TMEM108: variants seen among roughly 807,000 people sequenced by gnomAD.
The protein encoded by TMEM108 is cancer/testis antigen 124.
Under a neutral mutation model 35.1 loss-of-function variants are expected in TMEM108, and 12 were observed. That is an observed-to-expected ratio of 0.34 (90% CI 0.22 to 0.55). TMEM108 has a LOEUF of 0.55. Among genes scored for constraint, TMEM108 ranks in the 20% least tolerant of loss-of-function variants. The probability of loss-of-function intolerance (pLI) is 0.89; values close to 1 mark genes in which losing one functional copy is unlikely to be tolerated. For synonymous variants in TMEM108, 287 were observed against 308.6 expected, an observed-to-expected ratio of 0.93 and a Z score of 0.73; for missense variants, 680 against 753.3, an observed-to-expected ratio of 0.90 and a Z score of 1.14.
chr3:133,153,007 G>T (rs1327302461), intron 2 of TMEM108, among the ~76,000 whole-genome samples: 1 of 152,144 alleles, frequency 6.6e-6, no homozygotes, highest in South Asian at 2.1e-4. Flanking sequence ...TAACAGTCAT[G>T]AGGGTTGGTT....
At chr3:133,231,549 G>C (rs1160995279) in intron 3 of TMEM108, among the ~76,000 whole-genome samples, 1 of 152,094 alleles carries the variant, frequency 6.6e-6, no homozygotes, top group Admixed American at 6.5e-5. Flanking sequence ...TATGAGGCTT[G>C]GGCAAGGCTT....
At chr3:133,239,898 T>C (rs1415306394) in intron 3 of TMEM108, among the ~76,000 whole-genome samples, 3 of 152,092 alleles carry the variant, frequency 2.0e-5, no homozygotes, top group African/African-American at 7.2e-5. Context: ...CTCTCAAGTG[T>C]TGTGGGATTA....
At chr3:133,359,973 G>A (rs931175387) in intron 3 of TMEM108, among the ~76,000 whole-genome samples, 7 of 140,662 alleles carry the variant, frequency 5.0e-5, no homozygotes, top group Non-Finnish European at 1.5e-5. Flanking sequence ...ATACGAATTG[G>A]TCATATCCCT....
chr3:133,320,521 T>G (rs1314770025), intron 3 of TMEM108, among the ~76,000 whole-genome samples: 2 of 152,202 alleles, frequency 1.3e-5, no homozygotes. Flanking sequence ...TTTTGGATTA[T>G]GTTACATACA....
At chr3:133,224,678 A>G (rs1359145273) in intron 2 of TMEM108, among the ~76,000 whole-genome samples, 1 of 152,122 alleles carries the variant, frequency 6.6e-6, no homozygotes, top group African/African-American at 2.4e-5. Context: ...TTCCACCATG[A>G]TTGTGAGTCC....
At chr3:133,040,645 G>C (rs541448556) in intron 1 of TMEM108, among the ~76,000 whole-genome samples, 6 of 152,196 alleles carry the variant, frequency 3.9e-5, no homozygotes, top group Non-Finnish European at 7.3e-5. Context: ...TGCATTGTTT[G>C]TTTGGCCTGC....
intron 2 of TMEM108, among the ~76,000 whole-genome samples, chr3:133,218,448 G>T (rs115552707): frequency 0.038 from 5,783 of 151,996 alleles, 339 homozygotes; most frequent in African/African-American, 0.12. Flanking sequence ...TTGAATAGAA[G>T]TGACAGTAAT....
At chr3:133,244,916 T>A (rs2107663346) in intron 3 of TMEM108, among the ~76,000 whole-genome samples, 1 of 152,314 alleles carries the variant, frequency 6.6e-6, no homozygotes, top group African/African-American at 2.4e-5. Flanking sequence ...TACCCTTTGA[T>A]GTTATATGAG....
intron 3 of TMEM108, among the ~76,000 whole-genome samples, chr3:133,265,015 C>G (rs111325572): frequency 0.026 from 3,981 of 152,282 alleles, 152 homozygotes; most frequent in African/African-American, 0.083. Flanking sequence ...ATGACTCTTG[C>G]TGGGCACCAG....
intron 2 of TMEM108, among the ~76,000 whole-genome samples, chr3:133,154,783 G>A (rs1407422751): frequency 6.6e-6 from 1 of 152,068 alleles, no homozygotes; most frequent in Non-Finnish European, 1.5e-5. Flanking sequence ...AATGGGTGTA[G>A]CACACCAACA....
chr3:133,113,846 A>G (rs1424256550), intron 2 of TMEM108, among the ~76,000 whole-genome samples: 1 of 152,166 alleles, frequency 6.6e-6, no homozygotes, highest in Non-Finnish European at 1.5e-5. Flanking sequence ...GGCAGTTCCC[A>G]GGGTCTTGTT....
chr3:133,367,161 G>A (rs1416103246), intron 3 of TMEM108, among the ~76,000 whole-genome samples: 1 of 152,144 alleles, frequency 6.6e-6, no homozygotes, highest in Non-Finnish European at 1.5e-5. Context: ...TCTCCAGATC[G>A]GCCACTTCCA....
Position 133,126,141 on chromosome 3 carries a change from A to G in TMEM108, c.-47+80121A>G, listed in dbSNP as rs144457948. ...TAGTGTGATTTTGACAAAGAAGCCC[A>G]AGTATATACTACTATAATCTTTTTT... On this transcript the variant is annotated intron_variant, in intron 2 of 5. Coordinates refer to ENST00000321871, the MANE Select transcript of TMEM108 (RefSeq NM_023943.4). Among the ~76,000 whole-genome samples the G allele has an allele frequency of 2.2e-4, 34 of 152,302 alleles. No homozygotes were observed. The East Asian group carries it at 5.8e-3, about 26-fold the overall frequency.
intron 2 of TMEM108, among the ~76,000 whole-genome samples, chr3:133,061,495 G>T (rs1317518980): frequency 6.6e-6 from 1 of 152,090 alleles, no homozygotes; most frequent in Non-Finnish European, 1.5e-5. Context: ...TTACAGGCAT[G>T]AGCCATCGTG....
chr3:133,078,159 GCACGCGCGCGCGCGCAC>G (rs1943765598), intron 2 of TMEM108, among the ~76,000 whole-genome samples: 1 of 140,816 alleles, frequency 7.1e-6, no homozygotes, highest in Admixed American at 6.8e-5. Context: ...GTGTGTGTGT[GCACGCGCGCGCGCGCAC>G]ACGTGTGTGT....
chr3:133,066,869 T>C (rs143722410), intron 2 of TMEM108, among the ~76,000 whole-genome samples: 1 of 152,326 alleles, frequency 6.6e-6, no homozygotes, highest in East Asian at 1.9e-4. Flanking sequence ...TTTACTTTTG[T>C]TATATTTTAA....
intron 1 of TMEM108, among the ~76,000 whole-genome samples, chr3:133,044,547 G>A (rs1230012643): frequency 6.6e-6 from 1 of 152,182 alleles, no homozygotes; most frequent in Non-Finnish European, 1.5e-5. Flanking sequence ...AAGGACAACA[G>A]CATCAGTATT....
At chr3:133,192,196 A>G (rs1450050) in intron 2 of TMEM108, among the ~76,000 whole-genome samples, 36,089 of 152,126 alleles carry the variant, frequency 0.24, 4,624 homozygotes, top group Middle Eastern at 0.38. Flanking sequence ...TAAGATGTAG[A>G]GGGCAAGAGT....
intron 3 of TMEM108, among the ~76,000 whole-genome samples, chr3:133,331,707 A>G (rs555343594): frequency 7.9e-5 from 12 of 152,320 alleles, no homozygotes; most frequent in African/African-American, 2.9e-4. Flanking sequence ...TGATTTTCCC[A>G]GGCATGGCCC....
Sources: allele counts gnomAD v4.1 joint callset (sites outside exome capture counted in the v4.1 genomes callset), GRCh38; gene constraint gnomAD v4.1.1; transcripts MANE v1.5; gene names NCBI Gene and HGNC (gene_info 2026-07-23, HGNC 2026-07-21).